Variants in GRM5 observed in about 807,000 individuals in gnomAD.
GRM5 encodes glutamate metabotropic receptor 5, also known as metabotropic glutamate receptor 5.
A neutral mutation model predicts 83.1 loss-of-function variants in GRM5; 19 were observed. The ratio of observed to expected loss-of-function variants is 0.23; its 90% CI spans 0.16 to 0.34. The LOEUF (loss-of-function observed/expected upper bound fraction) is 0.34, where lower values mean the gene tolerates loss of function less well. Ranked by LOEUF, GRM5 falls within the 10% of genes least tolerant of loss-of-function variation. The probability of loss-of-function intolerance (pLI) is 1.00; values close to 1 mark genes in which losing one functional copy is unlikely to be tolerated. For missense variants in GRM5, 1,160 were observed against 1,588.3 expected, an observed-to-expected ratio of 0.73 and a Z score of 4.58; for synonymous variants, 675 against 633.6, an observed-to-expected ratio of 1.07 and a Z score of -0.98.
At chr11:88,904,066 A>G (rs1483854149) in intron 2 of GRM5, among the ~76,000 whole-genome samples, 1 of 152,192 alleles carries the variant, frequency 6.6e-6, no homozygotes, top group Non-Finnish European at 1.5e-5. Flanking sequence ...ATAGATTCAG[A>G]TAAGTAAGGG....
chr11:88,918,178 C>G (rs1393542164), intron 2 of GRM5, among the ~76,000 whole-genome samples: 1 of 151,078 alleles, frequency 6.6e-6, no homozygotes, highest in African/African-American at 2.4e-5. Flanking sequence ...CATGACCTAT[C>G]TAAAATGCTG....
chr11:88,658,610 G>A (rs1939827237), intron 3 of GRM5, among the ~76,000 whole-genome samples: 1 of 152,080 alleles, frequency 6.6e-6, no homozygotes, highest in Admixed American at 6.6e-5. Flanking sequence ...GATTATTATG[G>A]GCATGTCCTA....
intron 2 of GRM5, among the ~76,000 whole-genome samples, chr11:88,983,584 A>C (rs1398093979): frequency 1.3e-5 from 2 of 152,196 alleles, no homozygotes; most frequent in African/African-American, 4.8e-5. Context: ...ATATCTCATA[A>C]AATCTAACAC....
chr11:88,712,478 A>G (rs1482821556), intron 3 of GRM5, among the ~76,000 whole-genome samples: 3 of 152,076 alleles, frequency 2.0e-5, no homozygotes, highest in Non-Finnish European at 4.4e-5. Context: ...CACTGAAAGT[A>G]TGACGACAGC....
intron 3 of GRM5, among the ~76,000 whole-genome samples, chr11:88,823,349 G>T (rs2135511765): frequency 6.6e-6 from 1 of 151,802 alleles, no homozygotes; most frequent in African/African-American, 2.4e-5. Flanking sequence ...TGTATATTTT[G>T]TTTTGTGTTT....
At chr11:88,558,530 G>A (rs913511612) in intron 8 of GRM5, among the ~76,000 whole-genome samples, 4 of 152,056 alleles carry the variant, frequency 2.6e-5, no homozygotes, top group Middle Eastern at 3.2e-3. Flanking sequence ...TCTAAGGGGA[G>A]AGAGTGGGAA....
chr11:88,556,383 C>A (rs541941021), intron 8 of GRM5, among the ~76,000 whole-genome samples: 1 of 148,116 alleles, frequency 6.8e-6, no homozygotes, highest in African/African-American at 2.5e-5. Context: ...AGTGCAATGG[C>A]GCAATCTTGG....
chr11:88,675,469 G>A (rs1373549849), intron 3 of GRM5, among the ~76,000 whole-genome samples: 2 of 151,940 alleles, frequency 1.3e-5, no homozygotes, highest in Non-Finnish European at 2.9e-5. Flanking sequence ...AGGAAGATAT[G>A]AGCCTGTCTG....
intron 2 of GRM5, among the ~76,000 whole-genome samples, chr11:88,900,151 T>A (rs1945292730): frequency 6.6e-6 from 1 of 152,110 alleles, no homozygotes; most frequent in Non-Finnish European, 1.5e-5. Context: ...CTACCGTAGA[T>A]TGATAAAAAC....
intron 2 of GRM5, among the ~76,000 whole-genome samples, chr11:88,900,075 G>T (rs568970136): frequency 1.3e-5 from 2 of 152,142 alleles, no homozygotes; most frequent in East Asian, 1.9e-4. Context: ...AACTCTGCTG[G>T]TAATTATTTA....
At chr11:88,798,805 C>CAAAAAAAAAAAA (rs4002396) in intron 3 of GRM5, among the ~76,000 whole-genome samples, 57 of 55,244 alleles carry the variant, frequency 1.0e-3, no homozygotes, top group East Asian at 3.5e-3. Flanking sequence ...ATGAAAACAC[C>CAAAAAAAAAAAA]AAAAAAAAAA....
At chr11:89,018,549 T>A (rs895813581) in intron 2 of GRM5, among the ~76,000 whole-genome samples, 8 of 152,188 alleles carry the variant, frequency 5.3e-5, no homozygotes, top group African/African-American at 1.4e-4. Flanking sequence ...TGGACATTTA[T>A]CTATCTATCT....
chr11:88,995,300 A>T (rs1262579317), intron 2 of GRM5, among the ~76,000 whole-genome samples: 1 of 152,074 alleles, frequency 6.6e-6, no homozygotes, highest in Non-Finnish European at 1.5e-5. Context: ...TAATCCCAGC[A>T]CTTCGGGAGG....
chr11:88,618,727 C>T (rs2927496), intron 4 of GRM5, among the ~76,000 whole-genome samples: 151,435 of 152,346 alleles, frequency 0.99, 75,275 homozygotes, highest in East Asian at 1. Context: ...TAAAATGGTT[C>T]GTTTTATTCA....
chr11:88,953,870 C>T (rs623443), intron 2 of GRM5, among the ~76,000 whole-genome samples: 131,948 of 152,182 alleles, frequency 0.87, 59,149 homozygotes, highest in Non-Finnish European at 0.97. Context: ...TGTAGCAACT[C>T]GTCTTACAAT....
intron 8 of GRM5, among the ~76,000 whole-genome samples, chr11:88,534,488 T>G (rs979627621): frequency 1.3e-5 from 2 of 152,212 alleles, no homozygotes; most frequent in African/African-American, 2.4e-5. Context: ...GTCACCCCTT[T>G]GTTTTGGCCA....
intron 1 of GRM5, 145 bp from the exon 2 acceptor site, chr11:89,048,217 TTGTC>T (rs1450025868): frequency 4.2e-6 from 1 of 238,082 alleles, no homozygotes; most frequent in African/African-American, 2.3e-5. Context: ...TGACTTTCCT[TTGTC>T]TGCTTCCTTT....
chr11:88,949,526 A>AC (rs1293860959), intron 2 of GRM5, among the ~76,000 whole-genome samples: 1 of 152,234 alleles, frequency 6.6e-6, no homozygotes, highest in East Asian at 1.9e-4. Context: ...AGTTGAAGAA[A>AC]CACTTCAAGT....
At chr11:88,724,484 T>A (rs954641105) in intron 3 of GRM5, among the ~76,000 whole-genome samples, 1 of 152,190 alleles carries the variant, frequency 6.6e-6, no homozygotes, top group Non-Finnish European at 1.5e-5. Flanking sequence ...GTATGTTTTG[T>A]GATGGTAGGG....
Sources: gnomAD v4.1 joint callset for allele counts (sites outside exome capture counted in the v4.1 genomes callset) on GRCh38, gnomAD v4.1.1 for gene constraint, MANE v1.5 for transcripts, NCBI Gene and HGNC (gene_info 2026-07-23, HGNC 2026-07-21) for gene names.